Variants in TOX2 observed in about 807,000 individuals in gnomAD.
TOX2 encodes TOX high mobility group box family member 2.
In TOX2, 15 loss-of-function variants were observed where a neutral mutation model predicts 47.4. The ratio of observed to expected loss-of-function variants is 0.32; its 90% CI spans 0.21 to 0.49. The LOEUF (loss-of-function observed/expected upper bound fraction) is 0.49, where lower values mean the gene tolerates loss of function less well. Among genes scored for constraint, TOX2 ranks in the 20% least tolerant of loss-of-function variants. TOX2 has a pLI of 0.99. For synonymous variants in TOX2, 290 were observed against 296.6 expected (o/e 0.98, Z 0.23); for missense variants, 622 against 673.1 (o/e 0.92, Z 0.84).
At chr20:44,013,568 GA>G (rs2145625142) in intron 3 of TOX2, among the ~76,000 whole-genome samples, 1 of 152,330 alleles carries the variant, frequency 6.6e-6, no homozygotes, top group South Asian at 2.1e-4. Flanking sequence ...CTTGTCTTAT[GA>G]ATGTATCAAT....
At chr20:43,956,044 C>T (rs1210560843) in intron 1 of TOX2, among the ~76,000 whole-genome samples, 1 of 152,214 alleles carries the variant, frequency 6.6e-6, no homozygotes, top group Non-Finnish European at 1.5e-5. Flanking sequence ...CCTCCAGCTC[C>T]CAGGCTTTGG....
At chr20:43,981,563 A>C (rs1227337366) in intron 2 of TOX2, among the ~76,000 whole-genome samples, 1 of 152,222 alleles carries the variant, frequency 6.6e-6, no homozygotes, top group Non-Finnish European at 1.5e-5. Flanking sequence ...GGGCAGGGAT[A>C]GAAAAAGACT....
At chr20:43,924,808 C>T (rs1159967449) in intron 1 of TOX2, among the ~76,000 whole-genome samples, 1 of 152,198 alleles carries the variant, frequency 6.6e-6, no homozygotes, top group East Asian at 1.9e-4. Context: ...TTGTAAGACA[C>T]ACAGAAGTAT....
intron 2 of TOX2, among the ~76,000 whole-genome samples, chr20:44,004,033 C>T (rs1015731042): frequency 1.3e-5 from 2 of 152,068 alleles, no homozygotes; most frequent in Admixed American, 6.6e-5. Flanking sequence ...GTGGCCTGGA[C>T]TAGGATAGTG....
rs185174206 is a variant in TOX2, at chr20:43,950,353, G to T, written c.100-23014G>T. Reference sequence around the variant, plus strand: ...CTCTGCAGCCCTCTCGCCTGCCCTCGCTGGCTCCCCAACCACAGCATCAGA... The same window carrying T: ...CTCTGCAGCCCTCTCGCCTGCCCTCTCTGGCTCCCCAACCACAGCATCAGA... On this transcript the variant is annotated intron_variant, in intron 1 of 8. Transcript: ENST00000341197. Among the ~76,000 whole-genome samples the T allele has an allele frequency of 5.9e-5, 9 of 152,294 alleles. No homozygotes were observed. In the East Asian group the frequency reaches 1.5e-3, roughly 26 times the overall value.
intron 4 of TOX2, among the ~76,000 whole-genome samples, chr20:44,054,073 T>A (rs947297188): frequency 6.6e-6 from 1 of 152,244 alleles, no homozygotes; most frequent in Non-Finnish European, 1.5e-5. Context: ...CTTCTCCTCC[T>A]GCATTTCTCT....
intron 3 of TOX2, among the ~76,000 whole-genome samples, chr20:44,045,405 A>G (rs1165162917): frequency 6.6e-6 from 1 of 152,218 alleles, no homozygotes; most frequent in Non-Finnish European, 1.5e-5. Flanking sequence ...GTAACCCCAG[A>G]GGTCTGCTGG....
intron 1 of TOX2, among the ~76,000 whole-genome samples, chr20:43,958,558 C>A (rs2069704397): frequency 6.6e-6 from 1 of 152,222 alleles, no homozygotes; most frequent in Non-Finnish European, 1.5e-5. Context: ...TATGCAGATA[C>A]CCATTTTCCC....
chr20:44,068,809 C>A lies in TOX2; in HGVS notation c.*123C>A. On this transcript the variant is annotated 3_prime_UTR_variant, in exon 9 of 9. Coordinates refer to ENST00000341197, the MANE Select transcript of TOX2 (RefSeq NM_001098797.2). ...CCCATCGGAGAGAGCAGTGACACACCCATTGCCCGGGGGCTGAGTCTCTTC... is the reference window on the plus strand; with the variant it reads ...CCCATCGGAGAGAGCAGTGACACACACATTGCCCGGGGGCTGAGTCTCTTC... The A allele has an allele frequency of 7.5e-7, 1 of 1,331,030 alleles. No individual in the cohort carries two copies. The highest frequency in any genetic ancestry group is 1.1e-6 in the Non-Finnish European group (1 of 944,372). The allele number at this position is 1,331,030 out of a possible 1,614,324, so 82.5% of individuals were successfully genotyped here. A position where few individuals can be genotyped will look rare whatever the true frequency, so the allele number is the denominator to read the frequency against.
At chr20:44,014,204 C>A (rs1468437678) in intron 3 of TOX2, among the ~76,000 whole-genome samples, 1 of 144,552 alleles carries the variant, frequency 6.9e-6, no homozygotes, top group Non-Finnish European at 1.5e-5. Flanking sequence ...TAGGATCATT[C>A]ACATGGTGAT....
In TOX2 at chr20:43,963,858, A is replaced by G. The variant is rs140853850; in HGVS notation, c.100-9509A>G. 3.1e-3 allele frequency among the ~76,000 whole-genome samples: 468 copies of G among 152,266 alleles called. 4 individuals carry two copies. Among genetic ancestry groups the G allele is most frequent in the African/African-American group, 0.011 (447 of 41,556 alleles). ...GGCATCGAGGGTCTTTTCCATGATT[A>G]AGACCTCAGAGATTTGCACAAAGCC... On this transcript the variant is annotated intron_variant, in intron 1 of 8. Coordinates refer to ENST00000341197, the MANE Select transcript of TOX2 (RefSeq NM_001098797.2).
chr20:44,026,019 GTA>G (rs2071056183), intron 3 of TOX2, among the ~76,000 whole-genome samples: 1 of 151,792 alleles, frequency 6.6e-6, no homozygotes, highest in Admixed American at 6.6e-5. Flanking sequence ...GGAGTCCTGG[GTA>G]GGGGGAACTC....
chr20:44,039,090 T>C (rs2071289535), intron 3 of TOX2: 4 of 1,269,570 alleles, frequency 3.2e-6, no homozygotes, highest in Non-Finnish European at 4.1e-6. Flanking sequence ...CTCTGCCTGG[T>C]GCTGGGAGGC....
intron 3 of TOX2, among the ~76,000 whole-genome samples, chr20:44,037,017 C>T (rs563342173): frequency 2.0e-5 from 3 of 152,250 alleles, no homozygotes; most frequent in South Asian, 2.1e-4. Context: ...TGCAATGGTG[C>T]GATCGCAGCT....
Position 44,054,322 on chromosome 20 carries a change from A to G in TOX2, c.675A>G (p.Ser225=). 1.2e-6 allele frequency: 2 copies of G among 1,611,916 alleles called. No homozygotes were observed. Among genetic ancestry groups the G allele is most frequent in the Non-Finnish European group, 1.7e-6 (2 of 1,178,922 alleles). The change falls in exon 5 of 9, where the codon TCA becomes TCG. Residue 225 remains serine (S), a synonymous_variant. Coordinates refer to ENST00000341197, the MANE Select transcript of TOX2 (RefSeq NM_001098797.2). The stretch of plus-strand genomic sequence containing the variant: ...AGATCTCGGGAGAAAAGAGACCTTC[A>G]GCCGACCCAGGAAAAAAGGCCAAGA... The part of the protein sequence containing the change: ...HFKISGEKRP[S]ADPGKKAKNP...
chr20:43,928,981 G>GAA (rs575418660), intron 1 of TOX2, among the ~76,000 whole-genome samples: 9,760 of 85,938 alleles, frequency 0.11, 592 homozygotes, highest in East Asian at 0.32. Context: ...CTAAAAATAT[G>GAA]AAAAAAAAAA....
chr20:43,949,778 G>T (rs1225724748), intron 1 of TOX2, among the ~76,000 whole-genome samples: 1 of 152,100 alleles, frequency 6.6e-6, no homozygotes, highest in African/African-American at 2.4e-5. Context: ...CAGAGCCAGG[G>T]TCCCCTTCCC....
rs2070743642 is a variant in TOX2, at chr20:44,009,421, T to C, written c.411+2629T>C. Among the ~76,000 whole-genome samples, 6 of 152,298 alleles carry C rather than the reference T, an allele frequency of 3.9e-5. No individual in the cohort carries two copies. In the South Asian group the frequency reaches 1.2e-3, roughly 32 times the overall value. ...TTCTCACGAAAGAGTTCAATGAAAA[T>C]GGATGCTCCGTTTCTCCAGAAATTT... On this transcript the variant is annotated intron_variant, in intron 3 of 8. Transcript: ENST00000341197.
chr20:44,031,668 A>G (rs2071154577), intron 3 of TOX2, among the ~76,000 whole-genome samples: 1 of 152,088 alleles, frequency 6.6e-6, no homozygotes, highest in Non-Finnish European at 1.5e-5. Flanking sequence ...TGCTGGAGAA[A>G]TGCCTAAGCT....
Sources: gnomAD v4.1 joint callset for allele counts (sites outside exome capture counted in the v4.1 genomes callset) on GRCh38, gnomAD v4.1.1 for gene constraint, MANE v1.5 for transcripts, NCBI Gene and HGNC (gene_info 2026-07-23, HGNC 2026-07-21) for gene names.